The following HERC2 variants were observed in gnomAD, a reference collection of about 807,000 sequenced individuals.
HERC2 encodes the protein E3 ubiquitin-protein ligase HERC2.
In HERC2, 102 loss-of-function variants were observed where a neutral mutation model predicts 537.7. The observed-to-expected ratio is 0.19, with a 90% CI of 0.16 to 0.22. The LOEUF is 0.22. Among genes scored for constraint, HERC2 ranks in the 10% least tolerant of loss-of-function variants. The pLI is 1.00. For synonymous variants in HERC2, 2,224 were observed against 2,466.2 expected (o/e 0.90, Z 2.91); for missense variants, 4,236 against 6,198.2 (o/e 0.68, Z 10.63).
chr15:28,220,678 G>C (rs372777406), intron 36 of HERC2, 34 bp from the exon 37 acceptor site: 4 of 1,567,980 alleles, frequency 2.6e-6, no homozygotes, highest in East Asian at 2.2e-5. Context: ...AGTTAGGAGG[G>C]TGCGTAACCT....
chr15:28,152,134 C>T (rs182691673), intron 70 of HERC2, among the ~76,000 whole-genome samples: 3 of 152,286 alleles, frequency 2.0e-5, no homozygotes, highest in East Asian at 1.9e-4. Context: ...GCCTCCGAAT[C>T]GGGCAGCACC....
Position 28,125,186 on chromosome 15 carries a change from A to T in HERC2, c.12810T>A (p.Val4270=). Residue 4270 remains valine, a synonymous_variant, in exon 84 of 93, where the codon GTT becomes GTA. Coordinates refer to ENST00000261609, the MANE Select transcript of HERC2 (RefSeq NM_004667.6). ...CCTCATCATTGTCGCCCCATGTATA[A>T]ACCTCACCTGAATGAAGTGAATTTA... ...HCVCCTEDGE[V]YTWGDNDEGQ... is the part of the protein sequence containing the mutation. The T allele has an allele frequency of 6.2e-7, 1 of 1,607,978 alleles. No individual in the cohort carries two copies. The highest frequency in any genetic ancestry group is 8.5e-7 in the Non-Finnish European group (1 of 1,174,688).
intron 25 of HERC2, 150 bp from the exon 26 acceptor site, chr15:28,237,263 G>T (rs1902562934): frequency 1.6e-6 from 1 of 640,454 alleles, no homozygotes; most frequent in Non-Finnish European, 2.8e-6. Flanking sequence ...ATGAGTTGAT[G>T]CTGCTGTGCC....
At position 28,279,120 on chromosome 15, in the gene HERC2, T is replaced by C. The variant is rs181882760; in HGVS notation, c.542+948A>G. Among the ~76,000 whole-genome samples, 8 of 152,282 alleles carry C rather than the reference T, an allele frequency of 5.3e-5. No homozygotes were observed. In the East Asian group the frequency reaches 1.5e-3, roughly 29 times the overall value. On this transcript the variant is annotated intron_variant, in intron 5 of 92. Coordinates refer to ENST00000261609, the MANE Select transcript of HERC2 (RefSeq NM_004667.6). The stretch of plus-strand genomic sequence containing the variant: ...AATTCTCCTGCCTCAGTCTCCCAAG[T>C]AGCTGGGATTACAGGCATGAGCCAC...
Position 28,135,627 on chromosome 15 carries a change from G to A in HERC2, c.12081C>T (p.Thr4027=), listed in dbSNP as rs1386576766. The stretch of plus-strand genomic sequence containing the variant: ...GCTGAATGGATTCAAGCAATGTTGG[G>A]GTGGACACCGACTCTGTCCCTCCAA... The part of the protein sequence containing the change: ...LGIGGTESVS[T]PTLLESIQHV... Residue 4027 remains threonine (T), a synonymous_variant, in exon 79 of 93, where the codon ACC becomes ACT. Coordinates refer to ENST00000261609, the MANE Select transcript of HERC2 (RefSeq NM_004667.6). 3.7e-6 allele frequency: 6 copies of A among 1,613,946 alleles called. No individual in the cohort carries two copies. Among genetic ancestry groups the A allele is most frequent in the Admixed American group, 3.3e-5 (2 of 59,994 alleles).
At chr15:28,207,812 T>C (rs1040844849) in intron 44 of HERC2, among the ~76,000 whole-genome samples, 31 of 151,976 alleles carry the variant, frequency 2.0e-4, no homozygotes, top group Admixed American at 5.9e-4. Context: ...TAGTTTAGGC[T>C]GATGGGCTGT....
At chr15:28,224,134 T>TACACACACAC (rs35809371) in intron 35 of HERC2, among the ~76,000 whole-genome samples, 1 of 5,758 alleles carries the variant, frequency 1.7e-4, no homozygotes, top group African/African-American at 3.2e-4. Flanking sequence ...TAAAAAATTA[T>TACACACACAC]ACACACACAC....
intron 26 of HERC2, among the ~76,000 whole-genome samples, chr15:28,236,276 T>G (rs1414077641): frequency 6.6e-6 from 1 of 152,030 alleles, no homozygotes; most frequent in Non-Finnish European, 1.5e-5. Context: ...ATTTTTATCA[T>G]CATCAGCTGT....
In HERC2 at chr15:28,245,926, T is replaced by C. The variant is rs1264506313; in HGVS notation, c.3532A>G (p.Lys1178Glu). Residue 1178 changes from lysine to glutamate, a missense_variant, in exon 23 of 93, where the codon AAG becomes GAG. Lys to Glu is a moderately conservative substitution (Grantham distance 56). Coordinates refer to ENST00000261609, the MANE Select transcript of HERC2 (RefSeq NM_004667.6). ...AACTCTTCATGATCATCCCGTTCCTTTCCTGGTGCCAGATGGTTGAACCGA... is the reference window on the plus strand; with the variant it reads ...AACTCTTCATGATCATCCCGTTCCTCTCCTGGTGCCAGATGGTTGAACCGA... ...LDRFNHLAPG[K>E]ERDDHEELAW... The C allele has an allele frequency of 1.9e-6, 3 of 1,614,130 alleles. No individual in the cohort carries two copies. In the East Asian group the frequency reaches 6.7e-5, roughly 36 times the overall value.
intron 12 of HERC2, among the ~76,000 whole-genome samples, chr15:28,266,440 GGGA>G (rs1050312965): frequency 1.8e-4 from 27 of 152,104 alleles, no homozygotes; most frequent in African/African-American, 6.0e-4. Context: ...GCTTGAACCT[GGGA>G]GGAGGAGGTT....
chr15:28,263,823 G>A (rs890687759), intron 14 of HERC2, among the ~76,000 whole-genome samples: 1 of 152,014 alleles, frequency 6.6e-6, no homozygotes, highest in African/African-American at 2.4e-5. Context: ...CTTGAGCCCA[G>A]GAGTTCGAGA....
rs557535472 is a variant in HERC2, at chr15:28,153,546, G to A, written c.10747-716C>T. On this transcript the variant is annotated intron_variant, in intron 69 of 92. Coordinates refer to ENST00000261609, the MANE Select transcript of HERC2 (RefSeq NM_004667.6). ...CGTGCCTGTAGTCCCACCTACCCAGGAGGCTGAGGCAGGAGAATCGCTTAA... is the reference window on the plus strand; with the variant it reads ...CGTGCCTGTAGTCCCACCTACCCAGAAGGCTGAGGCAGGAGAATCGCTTAA... 4.1e-4 allele frequency among the ~76,000 whole-genome samples: 63 copies of A among 152,196 alleles called. 1 individual carries two copies. The highest frequency in any genetic ancestry group is 1.5e-3 in the African/African-American group (61 of 41,530).
intron 48 of HERC2, among the ~76,000 whole-genome samples, chr15:28,201,048 C>G (rs567447089): frequency 6.8e-6 from 1 of 147,938 alleles, no homozygotes; most frequent in East Asian, 2.0e-4. Flanking sequence ...CCATGTCCAC[C>G]GTGGACAGGC....
chr15:28,112,318 C>T (rs935170647), intron 92 of HERC2, among the ~76,000 whole-genome samples: 14 of 152,080 alleles, frequency 9.2e-5, no homozygotes, highest in Non-Finnish European at 1.6e-4. Context: ...GCCTGGCTGG[C>T]GGAGGACCAG....
At chr15:28,187,985 C>T (rs544976442) in intron 55 of HERC2, among the ~76,000 whole-genome samples, 43 of 152,256 alleles carry the variant, frequency 2.8e-4, no homozygotes, top group Admixed American at 6.5e-4. Flanking sequence ...ATTGCCTAAA[C>T]GACCTGCTCA....
chr15:28,279,250 A>G (rs57252238), intron 5 of HERC2, among the ~76,000 whole-genome samples: 1 of 152,010 alleles, frequency 6.6e-6, no homozygotes, highest in Non-Finnish European at 1.5e-5. Context: ...CAGGCCTCCC[A>G]AAGTGCTGGG....
intron 86 of HERC2, among the ~76,000 whole-genome samples, chr15:28,119,960 C>T (rs1888697061): frequency 6.6e-6 from 1 of 152,098 alleles, no homozygotes; most frequent in African/African-American, 2.4e-5. Flanking sequence ...TTCCCAGAGT[C>T]CCCCAGGCTT....
chr15:28,321,049 CAACAGTCA>C (rs1472480522), intron 2 of HERC2, among the ~76,000 whole-genome samples: 1 of 151,950 alleles, frequency 6.6e-6, no homozygotes, highest in Admixed American at 6.6e-5. Context: ...CAGTAACAAA[CAACAGTCA>C]CCATGATATG....
rs2075547912 is a variant in HERC2 at position 28,265,770 on chromosome 15, G to C, written c.1757-39C>G. The C allele has an allele frequency of 1.2e-6, 2 of 1,614,152 alleles. No homozygotes were observed. The highest frequency in any genetic ancestry group is 2.7e-5 in the African/African-American group (2 of 75,058). ...GGACGGCGGTTACTAAGTCCTGTAA[G>C]AGGCCACCTCCTGCTGCATGCTCCC... On this transcript the variant is annotated intron_variant, in intron 13 of 92. Coordinates refer to ENST00000261609, the MANE Select transcript of HERC2 (RefSeq NM_004667.6). The surrounding 1 kb of genome is among the most constrained non-coding windows in gnomAD (Gnocchi z 4.0).
Sources: gnomAD v4.1 joint callset for allele counts (sites outside exome capture counted in the v4.1 genomes callset) on GRCh38, gnomAD v4.1.1 for gene constraint, Gnocchi (gnomAD v3.1) non-coding constraint, MANE v1.5 for transcripts, NCBI Gene and HGNC (gene_info 2026-07-23, HGNC 2026-07-21) for gene names.